NFATC1: variants seen among roughly 807,000 people sequenced by gnomAD.
The protein encoded by NFATC1 is nuclear factor of activated T cells 1.
In NFATC1, 22 loss-of-function variants were observed where a neutral mutation model predicts 76.0. That is an observed-to-expected ratio of 0.29 (90% CI 0.21 to 0.41). The LOEUF is 0.41. Among genes scored for constraint, NFATC1 ranks in the 10% least tolerant of loss-of-function variants. The probability of loss-of-function intolerance (pLI) is 1.00; values close to 1 mark genes in which losing one functional copy is unlikely to be tolerated. For synonymous variants in NFATC1, 704 were observed against 613.1 expected, an observed-to-expected ratio of 1.15 and a Z score of -2.19; for missense variants, 1,357 against 1,337.7, an observed-to-expected ratio of 1.01 and a Z score of -0.23.
chr18:79,421,407 A>T (rs2086088315), intron 2 of NFATC1: 1 of 152,356 alleles, frequency 6.6e-6, no homozygotes, highest in Admixed American at 6.5e-5. Context: ...TCCGTGGGGC[A>T]GTAGCGCCTG....
At chr18:79,403,341 A>G (rs989905538) in intron 1 of NFATC1, among the ~76,000 whole-genome samples, 1 of 152,284 alleles carries the variant, frequency 6.6e-6, no homozygotes, top group Non-Finnish European at 1.5e-5. Context: ...AAAAGAGAAT[A>G]TTGTAAATAA....
intron 6 of NFATC1, chr18:79,452,069 C>T (rs1052630210): frequency 3.1e-5 from 12 of 386,580 alleles, no homozygotes; most frequent in African/African-American, 1.5e-4. Context: ...GCACTCACAT[C>T]GCTGCTGATA....
chr18:79,438,744 C>CA (rs1568962674), intron 3 of NFATC1, among the ~76,000 whole-genome samples: 1 of 152,168 alleles, frequency 6.6e-6, no homozygotes, highest in Non-Finnish European at 1.5e-5. Context: ...GGCGAAGACT[C>CA]AGAGTCAGGA....
rs1044991569 is a variant in NFATC1, at chr18:79,410,309, G to A, written c.128-94G>A. On this transcript the variant is annotated intron_variant, in intron 1 of 9. Coordinates refer to ENST00000427363, the MANE Select transcript of NFATC1 (RefSeq NM_001278669.2). This position sits in a 1 kb window ranked among gnomAD's most constrained non-coding sequence, Gnocchi z 6.7. ...GCCCGCTCCTTGGGGTCCGTTGGTC[G>A]AGGCCGGGGGTTGCTGGCCGGCCCT... 19 of 1,515,822 alleles carry A rather than the reference G, an allele frequency of 1.3e-5. No homozygotes were observed. The highest frequency in any genetic ancestry group is 2.3e-5 in the East Asian group (1 of 44,118). The allele number at this position is 1,515,822 out of a possible 1,614,324, so 93.9% of individuals were successfully genotyped here. A position where few individuals can be genotyped will look rare whatever the true frequency, so the allele number is the denominator to read the frequency against.
At chr18:79,504,282 C>T (rs1436941353) in intron 9 of NFATC1, among the ~76,000 whole-genome samples, 2 of 152,190 alleles carry the variant, frequency 1.3e-5, no homozygotes, top group African/African-American at 2.4e-5. Flanking sequence ...AAGTGAGAGA[C>T]GTGTGACCTT....
In NFATC1 at chr18:79,478,039, C is replaced by T. The variant is rs2089143638; in HGVS notation, c.2093-8209C>T. 2.6e-5 allele frequency among the ~76,000 whole-genome samples: 4 copies of T among 152,106 alleles called. No homozygotes were observed. In the South Asian group the frequency reaches 8.3e-4, roughly 32 times the overall value. On this transcript the variant is annotated intron_variant, in intron 8 of 9. Transcript: ENST00000427363. ...GAGTCCGTCCATAGCAGTGACCCCA[C>T]TTGTCTAAAGCCACAGGGCTGAGCC...
chr18:79,451,929 G>T, intron 6 of NFATC1, 113 bp downstream of exon 6: 2 of 1,353,770 alleles, frequency 1.5e-6, no homozygotes, highest in Non-Finnish European at 2.0e-6. Flanking sequence ...CGGGGCTTAT[G>T]GGGTGTGGCA....
chr18:79,488,610 C>T (rs1383771654), intron 9 of NFATC1, among the ~76,000 whole-genome samples: 3 of 152,194 alleles, frequency 2.0e-5, no homozygotes, highest in African/African-American at 2.4e-5. Context: ...CGAGGCCAGC[C>T]GGAGCTCCGC....
chr18:79,512,785 AG>A (rs1196750571), intron 9 of NFATC1, among the ~76,000 whole-genome samples: 1 of 152,212 alleles, frequency 6.6e-6, no homozygotes, highest in Non-Finnish European at 1.5e-5. Flanking sequence ...TCGAGCTCTC[AG>A]CCCCTGTATG....
intron 9 of NFATC1, among the ~76,000 whole-genome samples, chr18:79,487,559 C>T (rs983172071): frequency 1.1e-4 from 16 of 152,342 alleles, no homozygotes; most frequent in Admixed American, 9.8e-4. Flanking sequence ...CCCAACACCG[C>T]ACACCTGGGG....
intron 3 of NFATC1, among the ~76,000 whole-genome samples, chr18:79,435,291 C>T (rs557200754): frequency 2.6e-5 from 4 of 151,320 alleles, no homozygotes; most frequent in Non-Finnish European, 5.9e-5. Flanking sequence ...GAGGGTAAAG[C>T]AGGACCATGA....
intron 8 of NFATC1, chr18:79,468,079 A>G: frequency 1.3e-6 from 1 of 796,540 alleles, no homozygotes; most frequent in South Asian, 5.7e-5. Context: ...TCCAGGGGTA[A>G]CTTCATCTCC....
intron 8 of NFATC1, 141 bp from the exon 9 acceptor site, chr18:79,486,107 T>C (rs1404103196): frequency 4.2e-6 from 3 of 715,536 alleles, no homozygotes; most frequent in Admixed American, 2.5e-5. Context: ...TTTTTTTTAA[T>C]GGGGTGGGAG....
chr18:79,441,321 C>T (rs1007227245), intron 3 of NFATC1, among the ~76,000 whole-genome samples: 5 of 152,020 alleles, frequency 3.3e-5, no homozygotes, highest in Non-Finnish European at 7.4e-5. Context: ...GACTGGGTAT[C>T]GCTGTAGCTG....
intron 2 of NFATC1, among the ~76,000 whole-genome samples, chr18:79,418,940 A>G (rs1463025981): frequency 6.6e-6 from 1 of 152,110 alleles, no homozygotes; most frequent in Non-Finnish European, 1.5e-5. Flanking sequence ...GGTCCTTCTC[A>G]ATGTTACTCT....
rs1268690900 is a variant in NFATC1, at chr18:79,400,279, CG to C, written c.127+3934del. 2.7e-5 allele frequency: 26 copies of C among 953,074 alleles called. No individual in the cohort carries two copies. The East Asian group carries it at 4.8e-4, about 18-fold the overall frequency. The allele number at this position is 953,074 out of a possible 1,614,324, so 59.0% of individuals were successfully genotyped here. A position where few individuals can be genotyped will look rare whatever the true frequency, so the allele number is the denominator to read the frequency against. Reference sequence around the variant, plus strand: ...CCGGGGGGCGGGGGCGGGGCGGGGACGGGGGGAGGGGCGGGGGTCACGTTAC... The same window carrying C: ...CCGGGGGGCGGGGGCGGGGCGGGGACGGGGGAGGGGCGGGGGTCACGTTAC... On this transcript the variant is annotated intron_variant, in intron 1 of 9. Transcript: ENST00000427363.
chr18:79,424,204 C>CCGCACTATCACCGAGAAA (rs2086199384), intron 2 of NFATC1, among the ~76,000 whole-genome samples: 2 of 152,232 alleles, frequency 1.3e-5, no homozygotes, highest in African/African-American at 4.8e-5. Context: ...ACAGATGCCG[C>CCGCACTATCACCGAGAAA]CGCACTATCA....
chr18:79,423,245 A>C (rs1326719669), intron 2 of NFATC1, among the ~76,000 whole-genome samples: 1 of 152,194 alleles, frequency 6.6e-6, no homozygotes, highest in Non-Finnish European at 1.5e-5. Flanking sequence ...TTTAAAACAA[A>C]ACCTCTGCAC....
chr18:79,461,264 C>T (rs2304739), intron 6 of NFATC1, 47 bp from the exon 7 acceptor site: 279,705 of 1,604,996 alleles, frequency 0.17, 28,009 homozygotes, highest in African/African-American at 0.39. Context: ...GGGGAGGGGG[C>T]TCCCCACCAC....
Sources: allele counts gnomAD v4.1 joint callset (sites outside exome capture counted in the v4.1 genomes callset), GRCh38; gene constraint gnomAD v4.1.1; non-coding constraint Gnocchi (gnomAD v3.1); transcripts MANE v1.5; gene names NCBI Gene and HGNC (gene_info 2026-07-23, HGNC 2026-07-21).